Variants in MGAT4C observed in about 807,000 individuals in gnomAD.
MGAT4C encodes MGAT4 family member C.
In MGAT4C, 19 loss-of-function variants were observed where a neutral mutation model predicts 40.1. That is an observed-to-expected ratio of 0.47 (90% CI 0.33 to 0.70). The LOEUF (loss-of-function observed/expected upper bound fraction) is 0.70. Ranked by LOEUF, MGAT4C falls within the 30% of genes least tolerant of loss-of-function variation. The pLI, the probability that MGAT4C is intolerant of heterozygous loss-of-function variation, is 0.02. For missense variants in MGAT4C, 491 were observed against 563.2 expected, an observed-to-expected ratio of 0.87 and a Z score of 1.30; for synonymous variants, 181 against 187.1, an observed-to-expected ratio of 0.97 and a Z score of 0.27.
At chr12:86,615,463 G>A (rs1043646587) in intron 2 of MGAT4C, among the ~76,000 whole-genome samples, 1 of 151,918 alleles carries the variant, frequency 6.6e-6, no homozygotes, top group Non-Finnish European at 1.5e-5. Flanking sequence ...AACTAACAAT[G>A]GAAACCCGGT....
intron 2 of MGAT4C, among the ~76,000 whole-genome samples, chr12:86,627,376 C>A (rs1217042648): frequency 6.6e-6 from 1 of 152,188 alleles, no homozygotes; most frequent in African/African-American, 2.4e-5. Context: ...GTGGTTCTTG[C>A]AGCATGGTGT....
intron 1 of MGAT4C, among the ~76,000 whole-genome samples, chr12:86,125,309 T>C (rs1294046714): frequency 6.6e-6 from 1 of 152,168 alleles, no homozygotes; most frequent in African/African-American, 2.4e-5. Flanking sequence ...AACTAGCATT[T>C]TACTTATAGT....
chr12:86,002,946 G>A (rs372532267), intron 2 of MGAT4C, among the ~76,000 whole-genome samples: 3 of 151,846 alleles, frequency 2.0e-5, no homozygotes, highest in Non-Finnish European at 2.9e-5. Flanking sequence ...GACTACAGGC[G>A]TCCGCAATCA....
At chr12:86,196,360 A>G (rs1409300030) in intron 1 of MGAT4C, among the ~76,000 whole-genome samples, 1 of 151,904 alleles carries the variant, frequency 6.6e-6, no homozygotes, top group Non-Finnish European at 1.5e-5. Flanking sequence ...TAATAGCGTC[A>G]CCTCCCCTAC....
At chr12:86,219,393 A>G (rs372228774) in intron 1 of MGAT4C, among the ~76,000 whole-genome samples, 40 of 152,238 alleles carry the variant, frequency 2.6e-4, no homozygotes, top group African/African-American at 9.6e-4. Flanking sequence ...TTCATAACCT[A>G]TGTCTGATTT....
chr12:86,717,246 G>A (rs1950659006), intron 2 of MGAT4C, among the ~76,000 whole-genome samples: 2 of 150,134 alleles, frequency 1.3e-5, no homozygotes, highest in Non-Finnish European at 3.0e-5. Context: ...AAACTACACA[G>A]AGTTCATTCT....
At chr12:86,675,900 C>CCGA (rs1964383078) in intron 2 of MGAT4C, among the ~76,000 whole-genome samples, 1 of 151,768 alleles carries the variant, frequency 6.6e-6, no homozygotes, top group African/African-American at 2.4e-5. Flanking sequence ...GTCACCCTAA[C>CCGA]CAGTCTATCA....
chr12:86,527,436 C>T (rs1958903512), intron 2 of MGAT4C, among the ~76,000 whole-genome samples: 1 of 152,122 alleles, frequency 6.6e-6, no homozygotes, highest in Non-Finnish European at 1.5e-5. Flanking sequence ...GTAATGCCTA[C>T]AGCTTTGTTC....
chr12:86,152,246 C>T (rs1280313924), intron 1 of MGAT4C, among the ~76,000 whole-genome samples: 1 of 152,324 alleles, frequency 6.6e-6, no homozygotes, highest in East Asian at 1.9e-4. Context: ...GTTTATAAAA[C>T]CAGAAATTTA....
intron 2 of MGAT4C, among the ~76,000 whole-genome samples, chr12:86,502,605 TTATATATATATGTA>T (rs1958368893): frequency 1.3e-5 from 1 of 77,888 alleles, no homozygotes; most frequent in African/African-American, 3.4e-5. Context: ...GAGGGTGAAG[TTATATATATATGTA>T]TATATATATA....
At chr12:86,837,546 G>A (rs780980500) in intron 1 of MGAT4C, among the ~76,000 whole-genome samples, 30 of 152,030 alleles carry the variant, frequency 2.0e-4, no homozygotes, top group South Asian at 2.1e-4. Context: ...AGTCCATACA[G>A]CAGCAGGTAC....
intron 2 of MGAT4C, among the ~76,000 whole-genome samples, chr12:86,449,472 A>G (rs903467582): frequency 1.3e-5 from 2 of 152,148 alleles, no homozygotes; most frequent in Admixed American, 1.3e-4. Context: ...AGTTTGATGT[A>G]TCTTCATGAA....
chr12:86,417,693 T>C (rs1956744592), intron 3 of MGAT4C, among the ~76,000 whole-genome samples: 1 of 152,122 alleles, frequency 6.6e-6, no homozygotes, highest in Admixed American at 6.5e-5. Context: ...TTATAGGCAG[T>C]ATTTGCAATA....
At chr12:86,366,246 C>A (rs1955593525) in intron 3 of MGAT4C, among the ~76,000 whole-genome samples, 2 of 152,124 alleles carry the variant, frequency 1.3e-5, no homozygotes, top group African/African-American at 4.8e-5. Context: ...GATTTTGCAT[C>A]CTGAAACTTT....
At chr12:86,818,700 A>C (rs544199582) in intron 1 of MGAT4C, among the ~76,000 whole-genome samples, 1 of 151,346 alleles carries the variant, frequency 6.6e-6, no homozygotes, top group Admixed American at 6.6e-5. Flanking sequence ...AAAAACGACA[A>C]TAGTACTTTT....
intron 2 of MGAT4C, among the ~76,000 whole-genome samples, chr12:86,620,173 T>C (rs907401343): frequency 1.6e-4 from 25 of 152,192 alleles, no homozygotes; most frequent in African/African-American, 5.8e-4. Context: ...ATACTAAAAA[T>C]AGAACTACCC....
rs1160505214 is a variant in MGAT4C at position 86,676,029 on chromosome 12, CA to C, written c.-229+51179del. Among the ~76,000 whole-genome samples the C allele has an allele frequency of 2.0e-5, 3 of 150,358 alleles. No homozygotes were observed. In the East Asian group the frequency reaches 5.8e-4, roughly 29 times the overall value. On this transcript the variant is annotated intron_variant, in intron 2 of 7. Coordinates refer to the MGAT4C transcript ENST00000548651. ...TATAAATAAATACGAAAAAATTAACCACTGAACAGACAGTTGTAACCCATAT... is the reference window on the plus strand; with the variant it reads ...TATAAATAAATACGAAAAAATTAACCCTGAACAGACAGTTGTAACCCATAT...
At chr12:86,545,072 GC>G (rs1959186355) in intron 2 of MGAT4C, among the ~76,000 whole-genome samples, 1 of 151,772 alleles carries the variant, frequency 6.6e-6, no homozygotes. Context: ...AATATTTCTC[GC>G]TATGGATCTA....
chr12:86,154,835 G>A (rs773336911), intron 1 of MGAT4C, among the ~76,000 whole-genome samples: 19 of 152,054 alleles, frequency 1.2e-4, no homozygotes, highest in Non-Finnish European at 2.1e-4. Context: ...AGCTTCCCAC[G>A]TGCCTGATCC....
Sources: allele counts gnomAD v4.1 joint callset (sites outside exome capture counted in the v4.1 genomes callset), GRCh38; gene constraint gnomAD v4.1.1; transcripts MANE v1.5; gene names NCBI Gene and HGNC (gene_info 2026-07-23, HGNC 2026-07-21).